The following WBP11 variants were observed in gnomAD, a reference collection of about 807,000 sequenced individuals.
WBP11 encodes WW domain binding protein 11, also known as WW domain-binding protein 11.
WBP11 carries 12 observed loss-of-function variants against 66.7 expected under a neutral mutation model. That is an observed-to-expected ratio of 0.18 (90% CI 0.12 to 0.29). WBP11 has a LOEUF of 0.29. Ranked by LOEUF, WBP11 falls within the 10% of genes least tolerant of loss-of-function variation. The pLI, the probability that WBP11 is intolerant of heterozygous loss-of-function variation, is 1.00. For missense variants in WBP11, 555 were observed against 818.3 expected (o/e 0.68, Z 3.93); for synonymous variants, 255 against 273.8 (o/e 0.93, Z 0.68).
chr12:14,796,196 TTGAG>T lies in WBP11; in HGVS notation c.387+607_387+610del, dbSNP rs1312831915. 3.9e-5 allele frequency among the ~76,000 whole-genome samples: 6 copies of T among 152,204 alleles called. No individual in the cohort carries two copies. The highest frequency in any genetic ancestry group is 1.9e-4 in the East Asian group (1 of 5,202). On this transcript the variant is annotated intron_variant, in intron 5 of 11. Coordinates refer to ENST00000261167, the MANE Select transcript of WBP11 (RefSeq NM_016312.3). This position sits in a 1 kb window ranked among gnomAD's most constrained non-coding sequence, Gnocchi z 4.5. ...TTTTCTTTTTTTATTCCATGCTGTT[TTGAG>T]TATTAGATTATTCCTTTTATTGCTG... is the stretch of plus-strand genomic sequence containing the variant.
Position 14,801,443 on chromosome 12 carries a change from A to G in WBP11, c.-45-15T>C, listed in dbSNP as rs1949961335. On this transcript the variant is annotated splice_polypyrimidine_tract_variant and intron_variant, in intron 1 of 11. Transcript: ENST00000261167. ...AAAAGAAAAACCTGTGAAGGTGAAGACAAAGAAATAGCTTATATCTCCTAA... is the reference window on the plus strand; with the variant it reads ...AAAAGAAAAACCTGTGAAGGTGAAGGCAAAGAAATAGCTTATATCTCCTAA... 1 of 1,510,934 alleles carries G rather than the reference A, an allele frequency of 6.6e-7. No individual in the cohort carries two copies. Among genetic ancestry groups the G allele is most frequent in the East Asian group, 2.3e-5 (1 of 44,300 alleles). The allele number at this position is 1,510,934 out of a possible 1,614,324, so 93.6% of individuals were successfully genotyped here.
intron 11 of WBP11, among the ~76,000 whole-genome samples, chr12:14,788,688 G>A (rs1043206579): frequency 6.6e-6 from 1 of 152,148 alleles, no homozygotes; most frequent in Non-Finnish European, 1.5e-5. Context: ...TGCATGAAAC[G>A]GCTTCGTAAC....
Position 14,801,437 on chromosome 12 carries a change from G to T in WBP11, c.-45-9C>A. The T allele has an allele frequency of 6.4e-7, 1 of 1,555,674 alleles. No individual in the cohort carries two copies. The highest frequency in any genetic ancestry group is 8.8e-7 in the Non-Finnish European group (1 of 1,131,210). ...ATTAAAAAAAGAAAAACCTGTGAAG[G>T]TGAAGACAAAGAAATAGCTTATATC... On this transcript the variant is annotated splice_polypyrimidine_tract_variant and intron_variant, in intron 1 of 11. Coordinates refer to ENST00000261167, the MANE Select transcript of WBP11 (RefSeq NM_016312.3).
In WBP11 at chr12:14,796,707, C is replaced by T. The variant is rs1949898494; in HGVS notation, c.387+100G>A. ...ACAAAATATAAAAAAAACCCAACAA[C>T]CCTAAATCCAAAACACTTCTGGTCC... On this transcript the variant is annotated intron_variant, in intron 5 of 11. Coordinates refer to ENST00000261167, the MANE Select transcript of WBP11 (RefSeq NM_016312.3). The surrounding 1 kb of genome is among the most constrained non-coding windows in gnomAD (Gnocchi z 4.5). 8.7e-7 allele frequency: 1 copy of T among 1,145,240 alleles called. No individual in the cohort carries two copies. The highest frequency in any genetic ancestry group is 1.8e-5 in the South Asian group (1 of 56,284). The allele number at this position is 1,145,240 out of a possible 1,614,324, so 70.9% of individuals were successfully genotyped here.
chr12:14,788,067 C>CTACTAAA (rs1491395261), intron 11 of WBP11, among the ~76,000 whole-genome samples: 1 of 152,140 alleles, frequency 6.6e-6, no homozygotes, highest in African/African-American at 2.4e-5. Flanking sequence ...TGATGAAACC[C>CTACTAAA]TGTCTCTACT....
intron 7 of WBP11, 21 bp from the exon 8 acceptor site, chr12:14,793,943 A>G: frequency 6.3e-7 from 1 of 1,591,082 alleles, no homozygotes; most frequent in Non-Finnish European, 8.6e-7. Flanking sequence ...GGAAGGGAAC[A>G]TGGAGAAGTA....
At position 14,803,477 on chromosome 12, in the gene WBP11, G is replaced by C. The variant is rs1463529285; in HGVS notation, c.-171C>G. 2.5e-6 allele frequency: 1 copy of C among 398,538 alleles called. No individual in the cohort carries two copies. Among genetic ancestry groups the C allele is most frequent in the Non-Finnish European group, 4.4e-6 (1 of 226,190 alleles). 24.7% of individuals were successfully genotyped at this position (398,538 alleles called of 1,614,324 possible). A position where few individuals can be genotyped will look rare whatever the true frequency, so the allele number is the denominator to read the frequency against. Reference sequence around the variant, plus strand: ...TCAGCTACCGCCATCTTGAAACCTCGCGCCCCTCCGCACTCCTCACGTCAT... The same window carrying C: ...TCAGCTACCGCCATCTTGAAACCTCCCGCCCCTCCGCACTCCTCACGTCAT... On this transcript the variant is annotated 5_prime_UTR_variant, in exon 1 of 12. Coordinates refer to ENST00000261167, the MANE Select transcript of WBP11 (RefSeq NM_016312.3).
At chr12:14,792,599 G>A (rs533725915) in intron 8 of WBP11, among the ~76,000 whole-genome samples, 1 of 152,142 alleles carries the variant, frequency 6.6e-6, no homozygotes, top group African/African-American at 2.4e-5. Context: ...TTGGGAGGCC[G>A]AGGGGGGCAG....
At chr12:14,800,617 T>C in intron 3 of WBP11, 135 bp downstream of exon 3, 2 of 848,900 alleles carry the variant, frequency 2.4e-6, no homozygotes, top group South Asian at 1.7e-5. Flanking sequence ...TTAGTATATC[T>C]TACAGTTTTT....
intron 2 of WBP11, 54 bp downstream of exon 2, chr12:14,801,266 T>G: frequency 6.4e-7 from 1 of 1,565,806 alleles, no homozygotes; most frequent in Non-Finnish European, 8.8e-7. Flanking sequence ...TTCCCTAATA[T>G]TTGCAATTTT....
chr12:14,784,790 GATTA>G lies in WBP11; in HGVS notation c.*2271_*2274del. ...TAGTAACAAGTCTATCCATATACAT[GATTA>G]AAGATTTCTATCATTTACATTTCAT... On this transcript the variant is annotated 3_prime_UTR_variant, in exon 12 of 12. Coordinates refer to ENST00000261167, the MANE Select transcript of WBP11 (RefSeq NM_016312.3). 6.6e-6 allele frequency: 1 copy of G among 152,240 alleles called. No individual in the cohort carries two copies. The highest frequency in any genetic ancestry group is 1.9e-4 in the East Asian group (1 of 5,178). The allele number at this position is 152,240 out of a possible 1,614,324, so 9.4% of individuals were successfully genotyped here.
chr12:14,794,584 A>G lies in WBP11; in HGVS notation c.674T>C (p.Leu225Pro). ...YGRKVGFALD[L>P]PPRRRDEDML... ...GTCTTCATCTCGCCTACGAGGGGGA[A>G]GATCTAGGGCAAAACCCACTTTACG... is the stretch of plus-strand genomic sequence containing the variant. The change falls in exon 7 of 12, where the codon CTT becomes CCT. Residue 225 changes from leucine (L) to proline (P), a missense_variant. Physicochemically the swap from Leu to Pro is moderately conservative, Grantham distance 98. Around this residue, in one of 6 missense-constraint regions of WBP11, gnomAD observed 220 missense variants for 268.2 expected, o/e 0.82. Transcript: ENST00000261167. The G allele has an allele frequency of 6.2e-7, 1 of 1,614,152 alleles. No homozygotes were observed. Among genetic ancestry groups the G allele is most frequent in the Admixed American group, 1.7e-5 (1 of 60,024 alleles).
intron 8 of WBP11, among the ~76,000 whole-genome samples, chr12:14,791,703 G>C (rs555272922): frequency 5.8e-4 from 88 of 152,268 alleles, no homozygotes; most frequent in African/African-American, 1.9e-3. Flanking sequence ...GTTTATAGCA[G>C]CACAATTTGC....
Position 14,794,670 on chromosome 12 carries a change from G to A in WBP11, c.588C>T (p.Gly196=), listed in dbSNP as rs1949868550. 1.2e-6 allele frequency: 2 copies of A among 1,612,112 alleles called. No individual in the cohort carries two copies. The highest frequency in any genetic ancestry group is 2.7e-5 in the African/African-American group (2 of 74,746). The part of the protein sequence containing the change: ...LGHGVPRLPP[G]RKPPGPPPGP... ...CAGGGGGAGGGCCAGGAGGTTTTCTGCCAGGGGGCAAACGTGGAACACCAT... is the reference window on the plus strand; with the variant it reads ...CAGGGGGAGGGCCAGGAGGTTTTCTACCAGGGGGCAAACGTGGAACACCAT... The change falls in exon 7 of 12, where the codon GGC becomes GGT. Residue 196 remains glycine, a synonymous_variant. Coordinates refer to ENST00000261167, the MANE Select transcript of WBP11 (RefSeq NM_016312.3).
At position 14,787,460 on chromosome 12, in the gene WBP11, A is replaced by C; in HGVS notation, c.1531T>G (p.Leu511Val). The change falls in exon 12 of 12, where the codon TTG becomes GTG. Residue 511 changes from leucine (L) to valine (V), a missense_variant. Physicochemically the swap from Leu to Val is conservative, Grantham distance 32. Transcript: ENST00000261167. ...GGGGCAGGTCCAAGGGGAGGCACCA[A>C]AGGTGGGCGCATCATGCCAGGACGA... ...PPRPGMMRPP[L>V]VPPLGPAPPG... 1 of 1,524,308 alleles carries C rather than the reference A, an allele frequency of 6.6e-7. No individual in the cohort carries two copies. Among genetic ancestry groups the C allele is most frequent in the South Asian group, 1.3e-5 (1 of 76,594 alleles). The allele number at this position is 1,524,308 out of a possible 1,614,324, so 94.4% of individuals were successfully genotyped here. A position where few individuals can be genotyped will look rare whatever the true frequency, so the allele number is the denominator to read the frequency against.
In WBP11 at chr12:14,793,665, A is replaced by C. The variant is rs1949850308; in HGVS notation, c.913+66T>G. On this transcript the variant is annotated intron_variant, in intron 8 of 11. Coordinates refer to ENST00000261167, the MANE Select transcript of WBP11 (RefSeq NM_016312.3). The stretch of plus-strand genomic sequence containing the variant: ...AGAGTACTCTCACAGATTCATTAAT[A>C]AATTAGGACCTTCAGCTTGTTTTCT... 2.6e-6 allele frequency: 4 copies of C among 1,526,018 alleles called. No individual in the cohort carries two copies. The Admixed American group carries it at 7.4e-5, about 28-fold the overall frequency. 94.5% of individuals were successfully genotyped at this position (1,526,018 alleles called of 1,614,324 possible).
At chr12:14,802,525 G>A (rs1949977814) in intron 1 of WBP11, among the ~76,000 whole-genome samples, 1 of 152,104 alleles carries the variant, frequency 6.6e-6, no homozygotes, top group Non-Finnish European at 1.5e-5. Flanking sequence ...AAAAAATGGG[G>A]ACATCAATTA....
At chr12:14,799,536 A>C in intron 4 of WBP11, 99 bp downstream of exon 4, 1 of 1,103,318 alleles carries the variant, frequency 9.1e-7, no homozygotes, top group East Asian at 2.7e-5. Flanking sequence ...AAATGCCATC[A>C]TGCTGTTCTG....
intron 6 of WBP11, 61 bp downstream of exon 6, chr12:14,794,910 C>T: frequency 6.2e-7 from 1 of 1,611,126 alleles, no homozygotes; most frequent in Non-Finnish European, 8.5e-7. Context: ...TTAATTTTGG[C>T]ACTGGACAGT....
Sources: allele counts gnomAD v4.1 joint callset (sites outside exome capture counted in the v4.1 genomes callset), GRCh38; gene constraint gnomAD v4.1.1; regional missense constraint gnomAD v4.1.1; non-coding constraint Gnocchi (gnomAD v3.1); transcripts MANE v1.5; gene names NCBI Gene and HGNC (gene_info 2026-07-23, HGNC 2026-07-21).